MCF2L: variants seen among roughly 807,000 people sequenced by gnomAD.
MCF2L encodes the protein MCF.2 cell line derived transforming sequence like.
In MCF2L, 97 loss-of-function variants were observed where a neutral mutation model predicts 153.4. That is an observed-to-expected ratio of 0.63 (90% CI 0.54 to 0.75). The LOEUF is 0.75. Among genes scored for constraint, MCF2L ranks in the 30% least tolerant of loss-of-function variants. The pLI, the probability that MCF2L is intolerant of heterozygous loss-of-function variation, is 0.00. For missense variants in MCF2L, 1,347 were observed against 1,495.2 expected, an observed-to-expected ratio of 0.90 and a Z score of 1.64; for synonymous variants, 659 against 632.2, an observed-to-expected ratio of 1.04 and a Z score of -0.64.
chr13:112,974,899 A>G (rs1362196989), intron 1 of MCF2L, among the ~76,000 whole-genome samples: 2 of 152,172 alleles, frequency 1.3e-5, no homozygotes, highest in Admixed American at 6.5e-5. Flanking sequence ...TCTGCAGCCT[A>G]ATTATGGAAA....
chr13:113,008,342 G>A (rs2083850201), intron 1 of MCF2L, among the ~76,000 whole-genome samples: 1 of 149,948 alleles, frequency 6.7e-6, no homozygotes, highest in Admixed American at 6.7e-5. Flanking sequence ...GAACGGTAAT[G>A]TTGTGAGTGG....
intron 2 of MCF2L, among the ~76,000 whole-genome samples, chr13:112,963,291 G>A (rs1404409069): frequency 6.6e-6 from 1 of 152,246 alleles, no homozygotes; most frequent in Non-Finnish European, 1.5e-5. Context: ...CTTTCTCCAT[G>A]GAGCAGATTC....
At chr13:113,018,003 G>A (rs1355074258) in intron 2 of MCF2L, among the ~76,000 whole-genome samples, 2 of 152,208 alleles carry the variant, frequency 1.3e-5, no homozygotes, top group Non-Finnish European at 2.9e-5. Context: ...CCAGCCCTGT[G>A]CTGTCTGCCG....
rs543368323 is a variant in MCF2L, at chr13:113,069,602, G to C, written c.882-457G>C. On this transcript the variant is annotated intron_variant, in intron 8 of 29. Coordinates refer to ENST00000535094, the MANE Select transcript of MCF2L (RefSeq NM_001112732.3). ...CAGCTACGTGGAGGCAGAGGTCGCA[G>C]TGAGCCGAGATTGCACCTGGGTGGT... 1.1e-3 allele frequency among the ~76,000 whole-genome samples: 170 copies of C among 149,366 alleles called. 2 individuals are homozygous for C. The highest frequency in any genetic ancestry group is 2.1e-3 in the Non-Finnish European group (141 of 67,100).
intron 3 of MCF2L, among the ~76,000 whole-genome samples, chr13:113,038,338 A>G (rs2086270262): frequency 6.6e-6 from 1 of 151,854 alleles, no homozygotes; most frequent in Non-Finnish European, 1.5e-5. Context: ...GGTGGTGGGC[A>G]CCTGTAGTCC....
At chr13:113,078,462 C>G (rs763142205) in intron 14 of MCF2L, 26 bp downstream of exon 14, 3 of 1,589,050 alleles carry the variant, frequency 1.9e-6, no homozygotes, top group Non-Finnish European at 2.6e-6. Flanking sequence ...GACAACCCCG[C>G]CATCCACACC....
At chr13:113,044,123 T>A (rs962707091) in intron 3 of MCF2L, 3 of 170,924 alleles carry the variant, frequency 1.8e-5, no homozygotes, top group African/African-American at 7.1e-5. Flanking sequence ...TGCACGTGCT[T>A]AGTGCCCACT....
Position 112,942,444 on chromosome 13 carries a change from G to A in MCF2L, c.169+40073G>A, listed in dbSNP as rs576535794. ...TGTCTTGTATCCAATAAATATCAGT[G>A]CAGCCTGGCATTCGGGGCCACTACC... On this transcript the variant is annotated intron_variant, in intron 2 of 29. Transcript: ENST00000375608. Among the ~76,000 whole-genome samples the A allele has an allele frequency of 1.0e-3, 156 of 152,134 alleles. 1 individual carries two copies. Among genetic ancestry groups the A allele is most frequent in the African/African-American group, 3.3e-3 (136 of 41,498 alleles).
intron 2 of MCF2L, among the ~76,000 whole-genome samples, chr13:112,938,481 C>T (rs1478145602): frequency 6.6e-6 from 1 of 152,120 alleles, no homozygotes; most frequent in Non-Finnish European, 1.5e-5. Context: ...TGGGCTCTTT[C>T]GGGTCCACAT....
Position 113,064,245 on chromosome 13 carries a change from G to C in MCF2L, c.490-59G>C. On this transcript the variant is annotated intron_variant, in intron 5 of 29. Coordinates refer to ENST00000535094, the MANE Select transcript of MCF2L (RefSeq NM_001112732.3). This position sits in a 1 kb window ranked among gnomAD's most constrained non-coding sequence, Gnocchi z 6.0. Reference sequence around the variant, plus strand: ...TGCTGGGTGTTCTGCTGATGGGGCAGCTCTTTTGGGAGCCAACAATAATCC... The same window carrying C: ...TGCTGGGTGTTCTGCTGATGGGGCACCTCTTTTGGGAGCCAACAATAATCC... 2 of 1,263,130 alleles carry C rather than the reference G, an allele frequency of 1.6e-6. No homozygotes were observed. Among genetic ancestry groups the C allele is most frequent in the East Asian group, 4.6e-5 (2 of 43,156 alleles). The allele number at this position is 1,263,130 out of a possible 1,614,324, so 78.2% of individuals were successfully genotyped here. A position where few individuals can be genotyped will look rare whatever the true frequency, so the allele number is the denominator to read the frequency against.
chr13:113,009,447 C>G (rs891467409), intron 1 of MCF2L: 1 of 152,358 alleles, frequency 6.6e-6, no homozygotes, highest in African/African-American at 2.4e-5. Flanking sequence ...TTCTGCCAAC[C>G]AAGTCAGGAT....
chr13:112,995,663 G>T (rs2083097104), intron 1 of MCF2L, among the ~76,000 whole-genome samples: 1 of 152,198 alleles, frequency 6.6e-6, no homozygotes, highest in South Asian at 2.1e-4. Flanking sequence ...GGAGGAGCGT[G>T]GCTCTGGGTG....
chr13:112,898,554 C>T (rs1021019862), intron 1 of MCF2L, among the ~76,000 whole-genome samples: 2 of 152,148 alleles, frequency 1.3e-5, no homozygotes, highest in Admixed American at 6.5e-5. Flanking sequence ...GTAACGCCCA[C>T]GGCCATGCAG....
Position 113,044,858 on chromosome 13 carries a change from C to G in MCF2L, c.279-413C>G, listed in dbSNP as rs200111582. ...AGTGAATCCTTAACGTGGACCAGCA[C>G]GGGCACCTCAGATGCCAGGACCGGC... On this transcript the variant is annotated intron_variant, in intron 3 of 29. Coordinates refer to ENST00000535094, the MANE Select transcript of MCF2L (RefSeq NM_001112732.3). 923 of 1,612,910 alleles carry G rather than the reference C, an allele frequency of 5.7e-4. 9 individuals are homozygous for G. The South Asian group carries it at 6.7e-3, about 12-fold the overall frequency.
chr13:113,026,895 C>T (rs749613176), intron 3 of MCF2L: 8 of 759,558 alleles, frequency 1.1e-5, no homozygotes, highest in East Asian at 4.9e-5. Context: ...AGCATCAGGC[C>T]GGTGAGCTGC....
chr13:113,040,201 G>A (rs8002681), intron 3 of MCF2L: 41,598 of 152,090 alleles, frequency 0.27, 5,827 homozygotes, highest in Middle Eastern at 0.36. Context: ...GACAAGAGTC[G>A]GGATGGGGCA....
At position 113,027,055 on chromosome 13, in the gene MCF2L, G is replaced by A; in HGVS notation, c.278+2297G>A. Reference sequence around the variant, plus strand: ...AGTGAACACACACCAAGTAAAAACAGAAATATCCTTAAATATGGCATCTGT... The same window carrying A: ...AGTGAACACACACCAAGTAAAAACAAAAATATCCTTAAATATGGCATCTGT... On this transcript the variant is annotated intron_variant, in intron 3 of 29. Transcript: ENST00000535094. The surrounding 1 kb of genome is among the most constrained non-coding windows in gnomAD (Gnocchi z 4.8). 1 of 773,616 alleles carries A rather than the reference G, an allele frequency of 1.3e-6. No homozygotes were observed. The highest frequency in any genetic ancestry group is 2.4e-5 in the East Asian group (1 of 41,226). 47.9% of individuals were successfully genotyped at this position (773,616 alleles called of 1,614,324 possible). A position where few individuals can be genotyped will look rare whatever the true frequency, so the allele number is the denominator to read the frequency against.
rs2035144892 is a variant in MCF2L at position 113,090,925 on chromosome 13, C to T, written c.2953+1197C>T. ...GTGCCGCAGCCCCCACTCCCATGCC[C>T]TCCCGGCCCCTCCTTCACTGCGCGG... On this transcript the variant is annotated intron_variant, in intron 26 of 29. Coordinates refer to ENST00000535094, the MANE Select transcript of MCF2L (RefSeq NM_001112732.3). The T allele has an allele frequency of 4.2e-6, 5 of 1,193,276 alleles. No homozygotes were observed. In the East Asian group the frequency reaches 2.9e-4, roughly 69 times the overall value. 73.9% of individuals were successfully genotyped at this position (1,193,276 alleles called of 1,614,324 possible). A position where few individuals can be genotyped will look rare whatever the true frequency, so the allele number is the denominator to read the frequency against.
At chr13:113,060,812 G>T in intron 5 of MCF2L, 100 bp downstream of exon 5, 1 of 1,514,948 alleles carries the variant, frequency 6.6e-7, no homozygotes, top group Non-Finnish European at 8.9e-7. Flanking sequence ...TGACTTCAGG[G>T]CCACACGGTC....
Sources: allele counts gnomAD v4.1 joint callset (sites outside exome capture counted in the v4.1 genomes callset), GRCh38; gene constraint gnomAD v4.1.1; non-coding constraint Gnocchi (gnomAD v3.1); transcripts MANE v1.5; gene names NCBI Gene and HGNC (gene_info 2026-07-23, HGNC 2026-07-21).